Variants in ZFHX4 observed in about 807,000 individuals in gnomAD.
ZFHX4 encodes zinc finger homeobox protein 4.
In ZFHX4, 56 loss-of-function variants were observed where a neutral mutation model predicts 267.6. That is an observed-to-expected ratio of 0.21 (90% confidence interval 0.17 to 0.26). The LOEUF is 0.26. ZFHX4 is among the 10% of genes least tolerant of loss of function. The pLI is 1.00. For missense variants in ZFHX4, 4,332 were observed against 4,420.0 expected, an observed-to-expected ratio of 0.98 and a Z score of 0.56; for synonymous variants, 1,778 against 1,665.6, an observed-to-expected ratio of 1.07 and a Z score of -1.64.
intron 3 of ZFHX4, among the ~76,000 whole-genome samples, chr8:76,743,777 C>T (rs1270713812): frequency 1.3e-5 from 2 of 152,184 alleles, no homozygotes; most frequent in Non-Finnish European, 1.5e-5. Context: ...TATTAAGAAA[C>T]TGGCAAGTCT....
chr8:76,849,490 ATGT>A lies in ZFHX4; in HGVS notation c.3646-20_3646-18del, dbSNP rs756565989. On this transcript the variant is annotated intron_variant, in intron 7 of 10. Coordinates refer to ENST00000651372, the MANE Select transcript of ZFHX4 (RefSeq NM_024721.5). ...AGAAATGCATTAACTAATAGTGGCC[ATGT>A]TTATTCAATATTTTCCAGTTCTATC... The A allele has an allele frequency of 6.9e-6, 11 of 1,590,044 alleles. No individual in the cohort carries two copies. The highest frequency in any genetic ancestry group is 9.5e-6 in the Non-Finnish European group (11 of 1,158,194).
intron 6 of ZFHX4, among the ~76,000 whole-genome samples, chr8:76,848,590 A>G (rs992656068): frequency 6.6e-6 from 1 of 152,180 alleles, no homozygotes; most frequent in Non-Finnish European, 1.5e-5. Flanking sequence ...ACGTTGAAAT[A>G]TTTTAAGTGT....
chr8:76,688,340 G>A (rs1002058334), intron 1 of ZFHX4, among the ~76,000 whole-genome samples: 13 of 152,110 alleles, frequency 8.5e-5, no homozygotes, highest in African/African-American at 2.4e-4. Flanking sequence ...TGTGTAATCT[G>A]ACTTTTGGCA....
rs370439817 is a variant in ZFHX4, at chr8:76,856,152, G to A, written c.9231G>A (p.Thr3077=). ...AAGCTTCAGACGTGCTGGGCTTGAC[G>A]GTACAGCAGCCAGGCATGATGGACA... is the stretch of plus-strand genomic sequence containing the variant. The part of the protein sequence containing the change: ...IKKASDVLGL[T]VQQPGMMDSS... Residue 3077 remains threonine, a synonymous_variant, in exon 10 of 11, where the codon ACG becomes ACA. Transcript: ENST00000651372. The A allele has an allele frequency of 6.2e-7, 1 of 1,613,966 alleles. No individual in the cohort carries two copies. The highest frequency in any genetic ancestry group is 8.5e-7 in the Non-Finnish European group (1 of 1,179,860).
intron 1 of ZFHX4, among the ~76,000 whole-genome samples, chr8:76,694,056 G>T (rs1807891512): frequency 6.6e-6 from 1 of 152,204 alleles, no homozygotes; most frequent in South Asian, 2.1e-4. Context: ...CTAGAAGTCT[G>T]TTATGCTAGA....
Position 76,778,723 on chromosome 8 carries a change from T to G in ZFHX4, c.3325+284T>G, listed in dbSNP as rs367886827. On this transcript the variant is annotated intron_variant, in intron 4 of 10. Transcript: ENST00000651372. ...TTGGGAGGATCTCACAGTGAAATTTTTCCCCCCAGAGTGAGCTTTAATTTC... is the reference window on the plus strand; with the variant it reads ...TTGGGAGGATCTCACAGTGAAATTTGTCCCCCCAGAGTGAGCTTTAATTTC... Among the ~76,000 whole-genome samples, 381 of 152,336 alleles carry G rather than the reference T, an allele frequency of 2.5e-3. 3 individuals carry two copies. The highest frequency in any genetic ancestry group is 8.6e-3 in the African/African-American group (358 of 41,582).
At chr8:76,815,227 T>C (rs574489615) in intron 4 of ZFHX4, among the ~76,000 whole-genome samples, 2 of 152,192 alleles carry the variant, frequency 1.3e-5, no homozygotes, top group Admixed American at 6.5e-5. Flanking sequence ...GACAAGAAGG[T>C]TAATAATGTG....
In ZFHX4 at chr8:76,852,813, C is replaced by T. The variant is rs758018987; in HGVS notation, c.5892C>T (p.His1964=). 6.2e-7 allele frequency: 1 copy of T among 1,613,780 alleles called. No individual in the cohort carries two copies. The highest frequency in any genetic ancestry group is 1.1e-5 in the South Asian group (1 of 91,038). ...LFSNVLILKS[H]QEHVHGQFFP... ...CCAATGTTCTTATTTTAAAGAGTCA[C>T]CAAGAACATGTACATGGGCAATTTT... The change falls in exon 10 of 11, where the codon CAC becomes CAT. Residue 1964 remains histidine (H), a synonymous_variant. Transcript: ENST00000651372.
At chr8:76,697,596 T>C (rs748508325) in intron 1 of ZFHX4, among the ~76,000 whole-genome samples, 1 of 152,022 alleles carries the variant, frequency 6.6e-6, no homozygotes, top group Non-Finnish European at 1.5e-5. Flanking sequence ...GTGTTCTGTG[T>C]TAAAGCTTCA....
chr8:76,752,487 C>CAAAAAAAAAAAAAAAAAAA lies in ZFHX4; in HGVS notation c.3094-25717_3094-25699dup, dbSNP rs144149879. Among the ~76,000 whole-genome samples, 4 of 70,964 alleles carry CAAAAAAAAAAAAAAAAAAA rather than the reference C, an allele frequency of 5.6e-5. 1 individual carries two copies. The highest frequency in any genetic ancestry group is 1.2e-4 in the Non-Finnish European group (4 of 32,880). The allele number at this position is 70,964 out of a possible 152,430, so 46.6% of individuals were successfully genotyped here. A position where few individuals can be genotyped will look rare whatever the true frequency, so the allele number is the denominator to read the frequency against. ...TGAAACCCTGTCTCTACCAAAAATC[C>CAAAAAAAAAAAAAAAAAAA]AAAAAAAAAAAAAAAAAAAAAAGAA... On this transcript the variant is annotated intron_variant, in intron 3 of 10. Transcript: ENST00000651372.
chr8:76,865,491 TAA>T lies in ZFHX4; in HGVS notation c.*927_*928del, dbSNP rs1482075207. The stretch of plus-strand genomic sequence containing the variant: ...ATTTTGTAGACCATGTGAAATTTAA[TAA>T]GATACCTTTTTTTTCCTTTCTTTGT... On this transcript the variant is annotated 3_prime_UTR_variant, in exon 11 of 11. Transcript: ENST00000651372. The T allele has an allele frequency of 6.6e-6, 1 of 152,586 alleles. No homozygotes were observed. Among genetic ancestry groups the T allele is most frequent in the African/African-American group, 2.4e-5 (1 of 41,462 alleles). The allele number at this position is 152,586 out of a possible 1,614,324, so 9.5% of individuals were successfully genotyped here. A position where few individuals can be genotyped will look rare whatever the true frequency, so the allele number is the denominator to read the frequency against.
At chr8:76,689,370 G>C (rs770908814) in intron 1 of ZFHX4, among the ~76,000 whole-genome samples, 1 of 152,100 alleles carries the variant, frequency 6.6e-6, no homozygotes, top group Non-Finnish European at 1.5e-5. Context: ...CTTAGGAAAT[G>C]GGCAAAAGCC....
chr8:76,706,478 T>C lies in ZFHX4; in HGVS notation c.2390T>C (p.Leu797Pro). ...GAAAAGCACATGCATAATATGATGCTTTTGCAGCAGAACATGAAGCAGATC... is the reference window on the plus strand; with the variant it reads ...GAAAAGCACATGCATAATATGATGCCTTTGCAGCAGAACATGAAGCAGATC... ...TSEKHMHNMM[L>P]LQQNMKQIQH... Residue 797 changes from leucine (L) to proline (P), a missense_variant, in exon 2 of 11, where the codon CTT becomes CCT. Leu to Pro is a moderately conservative substitution (Grantham distance 98). Around this residue, in one of 7 missense-constraint regions of ZFHX4, gnomAD observed 1,195 missense variants for 1,173.6 expected, o/e 1.02. Transcript: ENST00000651372. The C allele has an allele frequency of 1.2e-6, 2 of 1,614,032 alleles. No homozygotes were observed. The highest frequency in any genetic ancestry group is 1.1e-5 in the South Asian group (1 of 91,054).
At chr8:76,767,102 C>T (rs1045940164) in intron 3 of ZFHX4, among the ~76,000 whole-genome samples, 4 of 151,208 alleles carry the variant, frequency 2.6e-5, no homozygotes, top group South Asian at 2.1e-4. Context: ...TGTGAGACAA[C>T]GTGACACTGC....
In ZFHX4 at chr8:76,867,055, T is replaced by A. The variant is rs576112036; in HGVS notation, c.*2490T>A. 6.6e-6 allele frequency: 1 copy of A among 152,638 alleles called. No homozygotes were observed. The highest frequency in any genetic ancestry group is 1.5e-5 in the Non-Finnish European group (1 of 68,036). The allele number at this position is 152,638 out of a possible 1,614,324, so 9.5% of individuals were successfully genotyped here. On this transcript the variant is annotated 3_prime_UTR_variant, in exon 11 of 11. Transcript: ENST00000651372. ...AAAAATGTTATTGATGTTTTATATA[T>A]AGAGAGTAGTCTCATTAGTTTTTGT...
At chr8:76,692,863 T>A (rs1807859159) in intron 1 of ZFHX4, among the ~76,000 whole-genome samples, 2 of 152,200 alleles carry the variant, frequency 1.3e-5, no homozygotes, top group African/African-American at 4.8e-5. Context: ...TTCATAACAC[T>A]TGTTAAAGTA....
rs761856014 is a variant in ZFHX4, at chr8:76,854,210, C to A, written c.7289C>A (p.Pro2430Gln). The A allele has an allele frequency of 1.3e-6, 2 of 1,568,172 alleles. No individual in the cohort carries two copies. Among genetic ancestry groups the A allele is most frequent in the African/African-American group, 2.7e-5 (2 of 73,478 alleles). ...TCTCAAGGCACCAAACCAGCCCTGC[C>A]ATTAGCATCGACTTCCTCGGACCCA... ...PPSQGTKPAL[P>Q]LASTSSDPPQ... Residue 2430 changes from proline (P) to glutamine (Q), a missense_variant, in exon 10 of 11, where the codon CCA (proline) becomes CAA (glutamine). Physicochemically the swap from Pro to Gln is moderately conservative, Grantham distance 76 (BLOSUM62 -1). Coordinates refer to ENST00000651372, the MANE Select transcript of ZFHX4 (RefSeq NM_024721.5).
Position 76,851,717 on chromosome 8 carries a change from A to G in ZFHX4, c.4796A>G (p.Asn1599Ser), listed in dbSNP as rs760475474. The G allele has an allele frequency of 6.2e-7, 1 of 1,614,002 alleles. No individual in the cohort carries two copies. The highest frequency in any genetic ancestry group is 8.5e-7 in the Non-Finnish European group (1 of 1,179,882). The change falls in exon 10 of 11, where the codon AAT becomes AGT. Residue 1599 changes from asparagine (N) to serine (S), a missense_variant. Transcript: ENST00000651372. ...DNKPYKCSIC[N>S]VAYSQSSTLE... is the part of the protein sequence containing the mutation. ...AAACCCTACAAGTGCAGCATCTGCA[A>G]TGTTGCATACAGCCAAAGCTCAACA...
intron 4 of ZFHX4, among the ~76,000 whole-genome samples, chr8:76,784,472 T>C (rs1810633426): frequency 6.6e-6 from 1 of 152,068 alleles, no homozygotes; most frequent in South Asian, 2.1e-4. Flanking sequence ...TTAATATACA[T>C]CCTAATCTGT....
Sources: gnomAD v4.1 joint callset for allele counts (sites outside exome capture counted in the v4.1 genomes callset) on GRCh38, gnomAD v4.1.1 for gene constraint, gnomAD v4.1.1 regional missense constraint, MANE v1.5 for transcripts, NCBI Gene and HGNC (gene_info 2026-07-23, HGNC 2026-07-21) for gene names.